The following PLSCR2 variants were observed in gnomAD, a reference collection of about 807,000 sequenced individuals.
PLSCR2 encodes phospholipid scramblase 2.
PLSCR2 carries 18 observed loss-of-function variants against 25.3 expected under a neutral mutation model. The observed-to-expected ratio is 0.71, with a 90% CI of 0.49 to 1.06. PLSCR2 has a LOEUF of 1.06. Ranked by LOEUF, PLSCR2 falls within the 50% of genes least tolerant of loss-of-function variation. PLSCR2 has a pLI of 0.00. For synonymous variants in PLSCR2, 88 were observed against 87.3 expected, an observed-to-expected ratio of 1.01 and a Z score of -0.04; for missense variants, 243 against 269.5, an observed-to-expected ratio of 0.90 and a Z score of 0.69.
intron 1 of PLSCR2, among the ~76,000 whole-genome samples, chr3:146,470,390 C>A (rs1329148558): frequency 6.6e-6 from 1 of 151,934 alleles, no homozygotes; most frequent in African/African-American, 2.4e-5. Flanking sequence ...ACTAAAAATA[C>A]AAAAATGAGC....
At chr3:146,461,969 A>G (rs1267312480), upstream of PLSCR2, 3 of 1,262,980 alleles carry the variant, frequency 2.4e-6, no homozygotes, top group African/African-American at 1.5e-5. Flanking sequence ...AAAAAAAAAA[A>G]TGACAAAGAA....
At chr3:146,491,245 G>A (rs745321567) in intron 1 of PLSCR2, among the ~76,000 whole-genome samples, 1 of 151,706 alleles carries the variant, frequency 6.6e-6, no homozygotes, top group Non-Finnish European at 1.5e-5. Flanking sequence ...CCTTTTTTAG[G>A]TGATCTGCCC....
At chr3:146,399,456 T>G (rs1346660411) in intron 2 of PLSCR2, among the ~76,000 whole-genome samples, 1 of 151,788 alleles carries the variant, frequency 6.6e-6, no homozygotes, top group Non-Finnish European at 1.5e-5. Context: ...CACACACACA[T>G]ATACACACAT....
chr3:146,471,047 G>GT (rs11322846), intron 1 of PLSCR2, among the ~76,000 whole-genome samples: 3 of 151,032 alleles, frequency 2.0e-5, no homozygotes, highest in East Asian at 1.9e-4. Context: ...TTGTTTTTTT[G>GT]TTTTTTTTTT....
chr3:146,469,780 A>ACC (rs534916541), intron 1 of PLSCR2, among the ~76,000 whole-genome samples: 58 of 93,394 alleles, frequency 6.2e-4, no homozygotes, highest in African/African-American at 2.1e-3. Context: ...GACTGCACCC[A>ACC]CCCCCCCACG....
intron 1 of PLSCR2, among the ~76,000 whole-genome samples, chr3:146,490,673 G>A (rs890103088): frequency 6.6e-6 from 1 of 152,032 alleles, no homozygotes; most frequent in African/African-American, 2.4e-5. Flanking sequence ...ATCAATTCCT[G>A]CTGTTTTTCG....
intron 2 of PLSCR2, among the ~76,000 whole-genome samples, chr3:146,428,116 T>C (rs1379010734): frequency 1.3e-5 from 2 of 152,118 alleles, no homozygotes; most frequent in Admixed American, 1.3e-4. Context: ...GCAGTACAAT[T>C]TAAAAGAAAT....
intron 1 of PLSCR2, among the ~76,000 whole-genome samples, chr3:146,489,896 T>G (rs2043482708): frequency 6.6e-6 from 1 of 152,118 alleles, no homozygotes; most frequent in African/African-American, 2.4e-5. Context: ...TGCTGGGAAC[T>G]ATTTTTCTCT....
At chr3:146,442,098 CT>C (rs1447980013) in intron 6 of PLSCR2, among the ~76,000 whole-genome samples, 1 of 151,962 alleles carries the variant, frequency 6.6e-6, no homozygotes, top group Non-Finnish European at 1.5e-5. Flanking sequence ...TTTTATCCTC[CT>C]GAAATCATCC....
chr3:146,446,942 A>C (rs773194446), intron 6 of PLSCR2, among the ~76,000 whole-genome samples: 43 of 152,192 alleles, frequency 2.8e-4, no homozygotes, highest in Admixed American at 9.2e-4. Context: ...CCACCACCCC[A>C]GGCCCATAAT....
chr3:146,462,161 A>C (rs1028436030), upstream of PLSCR2, among the ~76,000 whole-genome samples: 1 of 152,058 alleles, frequency 6.6e-6, no homozygotes, highest in African/African-American at 2.4e-5. Context: ...AGTCACATTC[A>C]TGGGATATTT....
chr3:146,429,561 C>G (rs974893613), downstream of PLSCR2, among the ~76,000 whole-genome samples: 2 of 152,090 alleles, frequency 1.3e-5, no homozygotes, highest in African/African-American at 2.4e-5. Flanking sequence ...TCAAGATTTA[C>G]CCTGGCTGCT....
intron 2 of PLSCR2, chr3:146,395,951 T>A: frequency 3.3e-6 from 1 of 298,866 alleles, no homozygotes. Context: ...AATCTTAGGA[T>A]AAAAATCTGT....
At chr3:146,396,913 A>G (rs1000822159) in intron 2 of PLSCR2, among the ~76,000 whole-genome samples, 8 of 152,170 alleles carry the variant, frequency 5.3e-5, no homozygotes, top group African/African-American at 1.9e-4. Flanking sequence ...TACTACAGAA[A>G]AAATAAAAGC....
At chr3:146,433,036 C>CTT (rs1458248525), downstream of PLSCR2, among the ~76,000 whole-genome samples, 1 of 152,070 alleles carries the variant, frequency 6.6e-6, no homozygotes, top group African/African-American at 2.4e-5. Flanking sequence ...TAGGTCTTAA[C>CTT]TTTTTTCTTT....
At chr3:146,444,064 A>G (rs1018961963) in intron 6 of PLSCR2, among the ~76,000 whole-genome samples, 4 of 151,876 alleles carry the variant, frequency 2.6e-5, no homozygotes, top group Non-Finnish European at 5.9e-5. Context: ...GTGTTTTTAT[A>G]GTTTCCAAAG....
At chr3:146,395,944 C>T (rs2038259159) in intron 2 of PLSCR2, 1 of 309,006 alleles carries the variant, frequency 3.2e-6, no homozygotes, top group African/African-American at 2.3e-5. Context: ...AATATATAAT[C>T]TTAGGATAAA....
intron 3 of PLSCR2, among the ~76,000 whole-genome samples, chr3:146,394,896 C>G (rs145909632): frequency 5.3e-5 from 8 of 152,288 alleles, no homozygotes; most frequent in Non-Finnish European, 1.2e-4. Context: ...CTCAGGAGAT[C>G]TGATGATTTT....
chr3:146,419,648 T>C (rs148991398), intron 2 of PLSCR2, among the ~76,000 whole-genome samples: 2 of 151,554 alleles, frequency 1.3e-5, no homozygotes, highest in African/African-American at 4.8e-5. Flanking sequence ...AAACAAAAAA[T>C]ATGTTTTGTT....
Sources: allele counts gnomAD v4.1 joint callset (sites outside exome capture counted in the v4.1 genomes callset), GRCh38; gene constraint gnomAD v4.1.1; transcripts MANE v1.5; gene names NCBI Gene and HGNC (gene_info 2026-07-23, HGNC 2026-07-21).